DHX35: variants seen among roughly 807,000 people sequenced by gnomAD.
DHX35 encodes the protein DEAH-box helicase 35.
A neutral mutation model predicts 99.6 loss-of-function variants in DHX35; 84 were observed. That is an observed-to-expected ratio of 0.84 (90% CI 0.71 to 1.01). The LOEUF is 1.01. Ranked by LOEUF, DHX35 falls within the 50% of genes least tolerant of loss-of-function variation. The pLI is 0.00. For synonymous variants in DHX35, 331 were observed against 316.2 expected (o/e 1.05, Z -0.50); for missense variants, 852 against 888.5 (o/e 0.96, Z 0.52).
chr20:38,987,105 T>C (rs1387731141), intron 4 of DHX35, among the ~76,000 whole-genome samples: 1 of 152,230 alleles, frequency 6.6e-6, no homozygotes, highest in Non-Finnish European at 1.5e-5. Flanking sequence ...TTGTCTCACC[T>C]GTGAAAGAGG....
rs1446358826 is a variant in DHX35 at position 39,002,628 on chromosome 20, ATTTAT to A, written c.756-140_756-136del. 3 of 582,164 alleles carry A rather than the reference ATTTAT, an allele frequency of 5.2e-6. No homozygotes were observed. In the African/African-American group the frequency reaches 5.7e-5, roughly 11 times the overall value. 36.1% of individuals were successfully genotyped at this position (582,164 alleles called of 1,614,324 possible). Reference sequence around the variant, plus strand: ...AATATTAGATTTGAAAAAAATGAATATTTATTTTGTTTATCCTGTACTAATTACCT... The same window carrying A: ...AATATTAGATTTGAAAAAAATGAATATTTGTTTATCCTGTACTAATTACCT... On this transcript the variant is annotated intron_variant, in intron 9 of 21. Coordinates refer to ENST00000252011, the MANE Select transcript of DHX35 (RefSeq NM_021931.4).
At chr20:39,010,912 T>C (rs879610136) in intron 13 of DHX35, among the ~76,000 whole-genome samples, 2 of 152,208 alleles carry the variant, frequency 1.3e-5, no homozygotes, top group African/African-American at 4.8e-5. Flanking sequence ...GCCGTTGTCC[T>C]GTTTAGGGTC....
intron 13 of DHX35, among the ~76,000 whole-genome samples, chr20:39,012,154 C>G (rs538720788): frequency 3.9e-4 from 59 of 152,162 alleles, no homozygotes; most frequent in African/African-American, 1.3e-3. Flanking sequence ...AGGCTTGAGG[C>G]AGGAGAAACG....
intron 6 of DHX35, 132 bp downstream of exon 6, chr20:38,991,647 G>A: frequency 1.4e-6 from 1 of 692,474 alleles, no homozygotes; most frequent in Admixed American, 3.2e-5. Context: ...GACCTTGGCT[G>A]TTGGGACCCT....
chr20:38,971,600 A>C (rs982079654), intron 2 of DHX35, among the ~76,000 whole-genome samples: 6 of 151,558 alleles, frequency 4.0e-5, no homozygotes, highest in Admixed American at 1.3e-4. Flanking sequence ...GAACATGTCA[A>C]CCTCTCTGGG....
intron 21 of DHX35, among the ~76,000 whole-genome samples, chr20:39,037,598 G>T (rs1198056783): frequency 6.6e-6 from 1 of 152,146 alleles, no homozygotes; most frequent in Non-Finnish European, 1.5e-5. Context: ...CTAAGTAGTG[G>T]GCACACCAGC....
At chr20:39,005,661 C>T (rs952001957) in intron 11 of DHX35, among the ~76,000 whole-genome samples, 1 of 152,148 alleles carries the variant, frequency 6.6e-6, no homozygotes, top group Non-Finnish European at 1.5e-5. Context: ...TAAACTCTGG[C>T]AGAGCAGGGG....
Position 39,002,778 on chromosome 20 carries a change from TC to T in DHX35, c.764del (p.Pro255GlnfsTer12). Reference protein sequence around the residue: ...VDIFYLQSPVPDYIKSTVETV... With the variant: ...VDIFYLQSPVXDYIKSTVETV... ...ATCCCATTTGTCTTTTCAGTCCTGT[TC>T]CAGATTATATCAAATCAACTGTCGA... On this transcript the variant is annotated frameshift_variant, in exon 10 of 22. Transcript: ENST00000252011. LOFTEE classifies it high-confidence loss of function. 1 of 1,614,062 alleles carries T rather than the reference TC, an allele frequency of 6.2e-7. No homozygotes were observed. The highest frequency in any genetic ancestry group is 8.5e-7 in the Non-Finnish European group (1 of 1,179,914).
chr20:39,007,012 G>A (rs889430306), intron 12 of DHX35, among the ~76,000 whole-genome samples: 7 of 152,196 alleles, frequency 4.6e-5, no homozygotes, highest in South Asian at 2.1e-4. Flanking sequence ...GAATGCTGCT[G>A]ACATTTTCCC....
chr20:39,022,007 C>T, intron 16 of DHX35, 72 bp downstream of exon 16: 1 of 1,433,302 alleles, frequency 7.0e-7, no homozygotes, highest in Non-Finnish European at 9.8e-7. Context: ...CAAAACTGTA[C>T]TCAGGAACTG....
intron 4 of DHX35, 46 bp from the exon 5 acceptor site, chr20:38,988,767 A>G (rs374186312): frequency 4.0e-5 from 65 of 1,611,356 alleles, no homozygotes; most frequent in Admixed American, 8.3e-5. Flanking sequence ...TGCGCTGTGC[A>G]GTAATTTCTA....
At chr20:38,988,212 C>A (rs1387636193) in intron 4 of DHX35, among the ~76,000 whole-genome samples, 2 of 152,062 alleles carry the variant, frequency 1.3e-5, no homozygotes, top group Non-Finnish European at 2.9e-5. Context: ...TGGCTTTGAT[C>A]TTTTGAAATT....
intron 21 of DHX35, among the ~76,000 whole-genome samples, chr20:39,037,951 G>A (rs1346218792): frequency 6.6e-6 from 1 of 152,166 alleles, no homozygotes; most frequent in Non-Finnish European, 1.5e-5. Context: ...ACTAGGAGGT[G>A]TCCTTTCTGT....
At chr20:39,031,884 T>G (rs2087060101) in intron 20 of DHX35, among the ~76,000 whole-genome samples, 1 of 152,148 alleles carries the variant, frequency 6.6e-6, no homozygotes, top group African/African-American at 2.4e-5. Flanking sequence ...AGGAACCTCA[T>G]GCGTTTGGGA....
intron 16 of DHX35, among the ~76,000 whole-genome samples, chr20:39,023,106 GA>G: frequency 6.6e-6 from 1 of 152,130 alleles, no homozygotes; most frequent in East Asian, 1.9e-4. Context: ...GGAGGAGAGA[GA>G]CAAGAACACT....
chr20:39,021,462 T>C (rs2086870559), intron 15 of DHX35, among the ~76,000 whole-genome samples: 1 of 152,240 alleles, frequency 6.6e-6, no homozygotes, highest in Non-Finnish European at 1.5e-5. Flanking sequence ...CACATTTGGC[T>C]GAGTGAAATA....
chr20:39,006,813 T>C lies in DHX35; in HGVS notation c.1222+457T>C, dbSNP rs2086626457. Among the ~76,000 whole-genome samples the C allele has an allele frequency of 2.6e-5, 4 of 152,206 alleles. No homozygotes were observed. In the East Asian group the frequency reaches 7.7e-4, roughly 29 times the overall value. ...AATGGAAGGTCTGTCCGGAGACTCA[T>C]TCATAGAAAACAAATAGTTGGTGAG... On this transcript the variant is annotated intron_variant, in intron 12 of 21. Coordinates refer to ENST00000252011, the MANE Select transcript of DHX35 (RefSeq NM_021931.4).
At chr20:39,016,202 GAAAC>G (rs2086783398) in intron 14 of DHX35, among the ~76,000 whole-genome samples, 1 of 152,200 alleles carries the variant, frequency 6.6e-6, no homozygotes, top group Non-Finnish European at 1.5e-5. Context: ...GCCAGGAAGA[GAAAC>G]AGAGGAAGCC....
intron 3 of DHX35, among the ~76,000 whole-genome samples, chr20:38,976,786 C>T (rs2086086537): frequency 6.6e-6 from 1 of 152,110 alleles, no homozygotes; most frequent in African/African-American, 2.4e-5. Context: ...CCCTAGTATC[C>T]ACTGTTCTAT....
Sources: allele counts gnomAD v4.1 joint callset (sites outside exome capture counted in the v4.1 genomes callset), GRCh38; gene constraint gnomAD v4.1.1; transcripts MANE v1.5; gene names NCBI Gene and HGNC (gene_info 2026-07-23, HGNC 2026-07-21).